Variants in SORCS3 observed in about 807,000 individuals in gnomAD.
SORCS3 encodes the protein VPS10 domain-containing receptor SorCS3.
In SORCS3, 57 loss-of-function variants were observed where a neutral mutation model predicts 146.3. The ratio of observed to expected loss-of-function variants is 0.39; its 90% CI spans 0.31 to 0.49. SORCS3 has a LOEUF of 0.49. Among genes scored for constraint, SORCS3 ranks in the 20% least tolerant of loss-of-function variants. The probability of loss-of-function intolerance (pLI) is 0.92; values close to 1 mark genes in which losing one functional copy is unlikely to be tolerated. For missense variants in SORCS3, 1,341 were observed against 1,575.5 expected, an observed-to-expected ratio of 0.85 and a Z score of 2.52; for synonymous variants, 653 against 618.5, an observed-to-expected ratio of 1.06 and a Z score of -0.83.
intron 13 of SORCS3, among the ~76,000 whole-genome samples, chr10:105,168,302 G>A (rs12771991): frequency 5.3e-5 from 8 of 152,268 alleles, no homozygotes; most frequent in African/African-American, 1.7e-4. Context: ...CCTTCCACAA[G>A]GACAGAGTTG....
chr10:104,750,179 A>G (rs1250965540), intron 1 of SORCS3, among the ~76,000 whole-genome samples: 1 of 152,172 alleles, frequency 6.6e-6, no homozygotes, highest in Admixed American at 6.5e-5. Context: ...AGAAGGGGCT[A>G]CTAAGATAAT....
chr10:105,013,756 A>G (rs761409562), intron 4 of SORCS3, among the ~76,000 whole-genome samples: 3 of 152,130 alleles, frequency 2.0e-5, no homozygotes. Context: ...AAATCTCTGC[A>G]AGTTTCTCTG....
At chr10:105,129,547 T>C (rs1463503951) in intron 7 of SORCS3, among the ~76,000 whole-genome samples, 1 of 151,976 alleles carries the variant, frequency 6.6e-6, no homozygotes, top group Non-Finnish European at 1.5e-5. Context: ...TATTACATTA[T>C]TTGGGAGTCT....
chr10:104,947,919 T>A (rs1180503614), intron 3 of SORCS3, among the ~76,000 whole-genome samples: 1 of 152,132 alleles, frequency 6.6e-6, no homozygotes, highest in Non-Finnish European at 1.5e-5. Context: ...CCAGCCTAGA[T>A]GTTACAGTTT....
intron 1 of SORCS3, among the ~76,000 whole-genome samples, chr10:104,669,214 C>T (rs2133255729): frequency 6.6e-6 from 1 of 152,250 alleles, no homozygotes; most frequent in South Asian, 2.1e-4. Flanking sequence ...AGATTTAAAA[C>T]ATTTATTATT....
rs1162969172 is a variant in SORCS3 at position 104,706,201 on chromosome 10, CTTTTTTTTTTTTT to C, written c.627+64260_627+64272del. Among the ~76,000 whole-genome samples the C allele has an allele frequency of 7.8e-3, 674 of 85,920 alleles. 6 individuals are homozygous for C. Among genetic ancestry groups the C allele is most frequent in the African/African-American group, 0.029 (577 of 19,970 alleles). The allele number at this position is 85,920 out of a possible 152,430, so 56.4% of individuals were successfully genotyped here. ...TTGTTTGTTTGTTTCTTTTCTTCTTCTTTTTTTTTTTTTTTTTTTTTTTTTGAGAAGGAGTCTT... is the reference window on the plus strand; with the variant it reads ...TTGTTTGTTTGTTTCTTTTCTTCTTCTTTTTTTTTTTTGAGAAGGAGTCTT... On this transcript the variant is annotated intron_variant, in intron 1 of 26. Coordinates refer to ENST00000369701, the MANE Select transcript of SORCS3 (RefSeq NM_014978.3).
chr10:105,101,367 C>T (rs1487204645), intron 6 of SORCS3, among the ~76,000 whole-genome samples: 1 of 152,174 alleles, frequency 6.6e-6, no homozygotes, highest in Non-Finnish European at 1.5e-5. Flanking sequence ...ATTTAGTTTC[C>T]CCATGCCCCT....
In SORCS3 at chr10:104,695,701, A is replaced by G. The variant is rs184435667; in HGVS notation, c.627+53747A>G. Among the ~76,000 whole-genome samples the G allele has an allele frequency of 5.7e-4, 87 of 151,824 alleles. 2 individuals are homozygous for G. In the South Asian group the frequency reaches 0.011, roughly 20 times the overall value. ...ATCTTTTTGAAAATAAATGGGTTCC[A>G]TCATGCATTCTACTGTGTAATTTGC... is the stretch of plus-strand genomic sequence containing the variant. On this transcript the variant is annotated intron_variant, in intron 1 of 26. Coordinates refer to ENST00000369701, the MANE Select transcript of SORCS3 (RefSeq NM_014978.3).
chr10:104,756,102 A>T (rs1332698392), intron 1 of SORCS3, among the ~76,000 whole-genome samples: 2 of 152,194 alleles, frequency 1.3e-5, no homozygotes, highest in African/African-American at 2.4e-5. Context: ...GTGGCTCCTC[A>T]TCCATGTGGT....
intron 3 of SORCS3, among the ~76,000 whole-genome samples, chr10:104,954,614 G>C (rs1417103690): frequency 2.0e-5 from 3 of 152,206 alleles, no homozygotes; most frequent in African/African-American, 7.2e-5. Context: ...TCTGAGAAGA[G>C]TAGTCCACTT....
At position 104,641,552 on chromosome 10, in the gene SORCS3, GCGGAGAGCCGCCGTGCTGGGGCGCCGGGC is replaced by G. The variant is rs1382320041; in HGVS notation, c.230_258del (p.Arg77ThrfsTer14). The G allele has an allele frequency of 6.8e-7, 1 of 1,469,146 alleles. No homozygotes were observed. The highest frequency in any genetic ancestry group is 8.9e-7 in the Non-Finnish European group (1 of 1,120,300). 91.0% of individuals were successfully genotyped at this position (1,469,146 alleles called of 1,614,324 possible). ...AGTGGCCGGAGGAGCTGGCGTCGGC[GCGGAGAGCCGCCGTGCTGGGGCGCCGGGC>G]CGGACCAGAGCTGCTGCCCCAGCAG... On this transcript the variant is annotated frameshift_variant, in exon 1 of 27. Transcript: ENST00000369701. LOFTEE classifies it high-confidence loss of function. The surrounding 1 kb of genome is among the most constrained non-coding windows in gnomAD (Gnocchi z 6.4).
chr10:104,779,311 A>G (rs2017346891), intron 1 of SORCS3, among the ~76,000 whole-genome samples: 1 of 152,188 alleles, frequency 6.6e-6, no homozygotes, highest in Non-Finnish European at 1.5e-5. Context: ...GCCGTAGGAA[A>G]GGAATACTCT....
intron 3 of SORCS3, among the ~76,000 whole-genome samples, chr10:104,954,329 C>T (rs1320999742): frequency 6.6e-6 from 1 of 152,056 alleles, no homozygotes; most frequent in African/African-American, 2.4e-5. Flanking sequence ...TAATAAATAT[C>T]ATAGTGAAAG....
intron 1 of SORCS3, among the ~76,000 whole-genome samples, chr10:104,764,172 A>G (rs1292504134): frequency 6.6e-6 from 1 of 152,226 alleles, no homozygotes; most frequent in Non-Finnish European, 1.5e-5. Context: ...ATACATTCTT[A>G]TTACATTCAG....
At chr10:104,657,835 T>G (rs1326701564) in intron 1 of SORCS3, among the ~76,000 whole-genome samples, 4 of 152,200 alleles carry the variant, frequency 2.6e-5, no homozygotes, top group Non-Finnish European at 5.9e-5. Context: ...TGGTTTTGAC[T>G]GATTATTTAA....
At chr10:105,245,431 T>G in intron 20 of SORCS3, 111 bp from the exon 21 acceptor site, 1 of 1,287,156 alleles carries the variant, frequency 7.8e-7, no homozygotes, top group Non-Finnish European at 1.1e-6. Context: ...CGTTTGTTTG[T>G]TTGTTTGTTT....
chr10:104,977,249 A>G (rs1340052), intron 3 of SORCS3, 86 bp from the exon 4 acceptor site: 63,668 of 1,135,664 alleles, frequency 0.056, 1,921 homozygotes, highest in African/African-American at 0.073. Flanking sequence ...GTGTACAAAT[A>G]CAGATGACTT....
At chr10:104,736,653 G>C (rs144605842) in intron 1 of SORCS3, among the ~76,000 whole-genome samples, 125 of 152,264 alleles carry the variant, frequency 8.2e-4, no homozygotes, top group African/African-American at 2.9e-3. Flanking sequence ...TTTGGGAAGT[G>C]AGTCCTTCTG....
Position 105,214,653 on chromosome 10 carries a change from C to T in SORCS3, c.2547+40C>T, listed in dbSNP as rs759522551. 5.5e-5 allele frequency: 83 copies of T among 1,497,570 alleles called. No individual in the cohort carries two copies. The Middle Eastern group carries it at 6.0e-4, about 11-fold the overall frequency. 92.8% of individuals were successfully genotyped at this position (1,497,570 alleles called of 1,614,324 possible). A position where few individuals can be genotyped will look rare whatever the true frequency, so the allele number is the denominator to read the frequency against. ...GGGTCTCTGAGGTCAGAACTCCCAACCAGACCATTCCCAGAAGGGAAGAAG... is the reference window on the plus strand; with the variant it reads ...GGGTCTCTGAGGTCAGAACTCCCAATCAGACCATTCCCAGAAGGGAAGAAG... On this transcript the variant is annotated intron_variant, in intron 18 of 26. Coordinates refer to ENST00000369701, the MANE Select transcript of SORCS3 (RefSeq NM_014978.3).
Sources: allele counts gnomAD v4.1 joint callset (sites outside exome capture counted in the v4.1 genomes callset), GRCh38; gene constraint gnomAD v4.1.1; non-coding constraint Gnocchi (gnomAD v3.1); transcripts MANE v1.5; gene names NCBI Gene and HGNC (gene_info 2026-07-23, HGNC 2026-07-21).